ZNF254: variants seen among roughly 807,000 people sequenced by gnomAD.
ZNF254 encodes CTD-2017D11.1.
A neutral mutation model predicts 12.4 loss-of-function variants in ZNF254; 10 were observed. That is an observed-to-expected ratio of 0.80 (90% CI 0.50 to 1.36). The LOEUF (loss-of-function observed/expected upper bound fraction) is 1.36. Among genes scored for constraint, ZNF254 ranks in the 40% most tolerant of loss-of-function variants. The probability of loss-of-function intolerance (pLI) is 0.00; values close to 1 mark genes in which losing one functional copy is unlikely to be tolerated. For synonymous variants in ZNF254, 305 were observed against 253.4 expected, an observed-to-expected ratio of 1.20 and a Z score of -1.93; for missense variants, 996 against 763.9, an observed-to-expected ratio of 1.30 and a Z score of -3.58.
At chr19:24,048,698 G>GT (rs1970504061) in intron 2 of ZNF254, among the ~76,000 whole-genome samples, 1 of 146,490 alleles carries the variant, frequency 6.8e-6, no homozygotes, top group South Asian at 2.2e-4. Flanking sequence ...TTGTTTTTTG[G>GT]GTTTTTTTTC....
At chr19:24,076,552 A>T (rs1203674196) in intron 2 of ZNF254, among the ~76,000 whole-genome samples, 2 of 152,196 alleles carry the variant, frequency 1.3e-5, no homozygotes, top group African/African-American at 2.4e-5. Flanking sequence ...AGTAGGTCTC[A>T]GCCTCGTTTC....
At chr19:24,069,639 C>T (rs1410641247) in intron 2 of ZNF254, among the ~76,000 whole-genome samples, 2 of 148,888 alleles carry the variant, frequency 1.3e-5, no homozygotes, top group Non-Finnish European at 3.0e-5. Context: ...AATATTCTGC[C>T]AGGTGTGGTG....
At chr19:24,060,516 T>C (rs1971026249) in intron 2 of ZNF254, among the ~76,000 whole-genome samples, 1 of 152,344 alleles carries the variant, frequency 6.6e-6, no homozygotes, top group African/African-American at 2.4e-5. Flanking sequence ...AACTATTTGA[T>C]GTGACTCTAC....
chr19:24,106,873 G>A lies in ZNF254; in HGVS notation c.253+230G>A, dbSNP rs1599723454. On this transcript the variant is annotated intron_variant, in intron 3 of 3. Coordinates refer to ENST00000357002, the MANE Select transcript of ZNF254 (RefSeq NM_203282.4). ...ATCTTCCTCCAAGTTTACAGTGACA[G>A]CCGAAGTACTGTTCATGGCATACAA... 2.5e-5 allele frequency: 11 copies of A among 435,912 alleles called. No individual in the cohort carries two copies. In the East Asian group the frequency reaches 4.2e-4, roughly 16 times the overall value. The allele number at this position is 435,912 out of a possible 1,614,324, so 27.0% of individuals were successfully genotyped here. A position where few individuals can be genotyped will look rare whatever the true frequency, so the allele number is the denominator to read the frequency against.
chr19:24,058,094 G>A (rs955864998), intron 2 of ZNF254, among the ~76,000 whole-genome samples: 2 of 152,140 alleles, frequency 1.3e-5, no homozygotes, highest in African/African-American at 4.8e-5. Flanking sequence ...ATATCTCAGA[G>A]CCTTGCACCC....
chr19:24,128,186 A>G lies in ZNF254; in HGVS notation c.*206A>G. On this transcript the variant is annotated 3_prime_UTR_variant, in exon 4 of 4. Transcript: ENST00000357002. ...ATTGTCACACTTGATTGTAGGTAAG[A>G]TAATTCATACTGGAGAAAACTACCA... is the stretch of plus-strand genomic sequence containing the variant. 1 of 531,166 alleles carries G rather than the reference A, an allele frequency of 1.9e-6. No homozygotes were observed. Among genetic ancestry groups the G allele is most frequent in the South Asian group, 5.2e-5 (1 of 19,220 alleles). The allele number at this position is 531,166 out of a possible 1,614,324, so 32.9% of individuals were successfully genotyped here.
At chr19:24,111,363 T>G (rs1973669293) in intron 3 of ZNF254, among the ~76,000 whole-genome samples, 1 of 152,120 alleles carries the variant, frequency 6.6e-6, no homozygotes, top group Non-Finnish European at 1.5e-5. Flanking sequence ...TGTTGGACAT[T>G]TGGGTTGGTT....
chr19:24,092,219 G>A (rs557206439), intron 1 of ZNF254, among the ~76,000 whole-genome samples: 2 of 148,384 alleles, frequency 1.3e-5, no homozygotes, highest in Admixed American at 6.8e-5. Flanking sequence ...CCTGAGTGGA[G>A]TGCAGTGGGC....
intron 2 of ZNF254, among the ~76,000 whole-genome samples, chr19:24,078,177 A>G (rs1971725303): frequency 6.6e-6 from 1 of 152,186 alleles, no homozygotes; most frequent in African/African-American, 2.4e-5. Flanking sequence ...AGTTGGAATT[A>G]CAGGCACATG....
chr19:24,105,795 T>C lies in ZNF254; in HGVS notation c.31-145T>C, dbSNP rs529897294. Reference sequence around the variant, plus strand: ...TAGAGAATACATTAGAAAATGTTCATGTGTTGACAATTATTTTATTGGATA... The same window carrying C: ...TAGAGAATACATTAGAAAATGTTCACGTGTTGACAATTATTTTATTGGATA... On this transcript the variant is annotated intron_variant, in intron 1 of 3. Transcript: ENST00000357002. The C allele has an allele frequency of 1.1e-5, 15 of 1,317,578 alleles. No homozygotes were observed. The South Asian group carries it at 1.9e-4, about 17-fold the overall frequency. The allele number at this position is 1,317,578 out of a possible 1,614,324, so 81.6% of individuals were successfully genotyped here. A position where few individuals can be genotyped will look rare whatever the true frequency, so the allele number is the denominator to read the frequency against.
At chr19:24,102,069 T>G (rs1180983093) in intron 1 of ZNF254, among the ~76,000 whole-genome samples, 2 of 152,196 alleles carry the variant, frequency 1.3e-5, no homozygotes, top group Non-Finnish European at 2.9e-5. Flanking sequence ...ATGCAGGAAC[T>G]TTTAGTCTAG....
At chr19:24,057,836 T>G (rs1970918639) in intron 2 of ZNF254, among the ~76,000 whole-genome samples, 1 of 152,230 alleles carries the variant, frequency 6.6e-6, no homozygotes, top group Admixed American at 6.5e-5. Context: ...ATGTGACTTG[T>G]GTACTTGGAT....
At chr19:24,078,015 C>T (rs1292118052) in intron 2 of ZNF254, among the ~76,000 whole-genome samples, 2 of 152,226 alleles carry the variant, frequency 1.3e-5, no homozygotes, top group Non-Finnish European at 2.9e-5. Context: ...GACTGTGGAA[C>T]TTCACCCAGG....
chr19:24,063,515 T>C, intron 2 of ZNF254, among the ~76,000 whole-genome samples: 1 of 152,234 alleles, frequency 6.6e-6, no homozygotes, highest in Non-Finnish European at 1.5e-5. Context: ...GTTTATCTTT[T>C]GCTTGTGCCC....
intron 3 of ZNF254, among the ~76,000 whole-genome samples, chr19:24,109,070 G>A (rs753351582): frequency 3.3e-5 from 5 of 152,210 alleles, no homozygotes; most frequent in Non-Finnish European, 7.3e-5. Context: ...CAGGAGAATC[G>A]CTTGAACCTG....
At chr19:24,066,713 CAAAACAAAACA>C (rs1045435978) in intron 2 of ZNF254, 9 of 149,522 alleles carry the variant, frequency 6.0e-5, no homozygotes, top group Non-Finnish European at 8.8e-5. Context: ...CAAAACAAAA[CAAAACAAAACA>C]AAACAAAACA....
intron 1 of ZNF254, chr19:24,104,170 G>A (rs557162142): frequency 2.0e-5 from 3 of 152,320 alleles, no homozygotes; most frequent in Middle Eastern, 3.4e-3. Context: ...CCTGGTGTTT[G>A]TAACAGGGGA....
intron 2 of ZNF254, among the ~76,000 whole-genome samples, chr19:24,050,315 A>T (rs1412751202): frequency 6.6e-6 from 1 of 151,978 alleles, no homozygotes; most frequent in Non-Finnish European, 1.5e-5. Context: ...GTGTGCCGCC[A>T]CGTCTGGCTG....
At chr19:24,112,891 T>G (rs1204449365) in intron 3 of ZNF254, among the ~76,000 whole-genome samples, 9 of 152,174 alleles carry the variant, frequency 5.9e-5, no homozygotes, top group Admixed American at 5.9e-4. Flanking sequence ...CATCAGAGAA[T>G]ACTACAAACA....
Sources: gnomAD v4.1 joint callset for allele counts (sites outside exome capture counted in the v4.1 genomes callset) on GRCh38, gnomAD v4.1.1 for gene constraint, MANE v1.5 for transcripts, NCBI Gene and HGNC (gene_info 2026-07-23, HGNC 2026-07-21) for gene names.